Variants in VRK2 observed in about 807,000 individuals in gnomAD.
VRK2 encodes serine/threonine-protein kinase VRK2.
Under a neutral mutation model 57.6 loss-of-function variants are expected in VRK2, and 60 were observed. The observed-to-expected ratio is 1.04, with a 90% confidence interval of 0.85 to 1.29. VRK2 has a LOEUF of 1.29. Ranked by LOEUF, VRK2 falls within the 50% of genes most tolerant of loss-of-function variation. The probability of loss-of-function intolerance (pLI) is 0.00; values close to 1 mark genes in which losing one functional copy is unlikely to be tolerated. For missense variants in VRK2, 705 were observed against 588.1 expected, an observed-to-expected ratio of 1.20 and a Z score of -2.06; for synonymous variants, 231 against 199.2, an observed-to-expected ratio of 1.16 and a Z score of -1.35.
intron 1 of VRK2, among the ~76,000 whole-genome samples, chr2:57,918,255 A>G (rs1670220313): frequency 6.6e-6 from 1 of 152,106 alleles, no homozygotes; most frequent in African/African-American, 2.4e-5. Flanking sequence ...GCTCTCAAAA[A>G]TTCATTCTCA....
At chr2:58,107,334 T>C (rs1418932047) in intron 7 of VRK2, among the ~76,000 whole-genome samples, 1 of 152,162 alleles carries the variant, frequency 6.6e-6, no homozygotes, top group Non-Finnish European at 1.5e-5. Context: ...ACTACAATGC[T>C]GTTCATACTG....
At chr2:58,016,993 C>G (rs569131603) in intron 1 of VRK2, among the ~76,000 whole-genome samples, 11 of 152,062 alleles carry the variant, frequency 7.2e-5, no homozygotes, top group African/African-American at 2.7e-4. Context: ...GTTTCCTTTT[C>G]TAACTTTTAA....
At chr2:58,022,494 A>AGTAGGAAAAGAGCAAAT (rs1673788692) in intron 1 of VRK2, among the ~76,000 whole-genome samples, 1 of 152,162 alleles carries the variant, frequency 6.6e-6, no homozygotes, top group Admixed American at 6.5e-5. Flanking sequence ...AGTTGAGGGG[A>AGTAGGAAAAGAGCAAAT]GTAGGAAAAG....
At chr2:58,040,373 G>C (rs540187952) in intron 3 of VRK2, among the ~76,000 whole-genome samples, 1 of 152,144 alleles carries the variant, frequency 6.6e-6, no homozygotes, top group Non-Finnish European at 1.5e-5. Flanking sequence ...GATATCTAAA[G>C]AAAAATAAAT....
intron 2 of VRK2, among the ~76,000 whole-genome samples, chr2:58,078,856 T>C (rs749910477): frequency 3.9e-4 from 60 of 152,190 alleles, no homozygotes; most frequent in Middle Eastern, 3.4e-3. Context: ...TTTATTATTT[T>C]AGAGAAAGGG....
intron 2 of VRK2, among the ~76,000 whole-genome samples, chr2:58,052,615 A>C (rs2103813620): frequency 6.6e-6 from 1 of 152,038 alleles, no homozygotes; most frequent in South Asian, 2.1e-4. Context: ...AAAAAAAAAA[A>C]AAAATGCTGC....
At chr2:58,039,917 T>C (rs1313633757) in intron 3 of VRK2, among the ~76,000 whole-genome samples, 1 of 149,996 alleles carries the variant, frequency 6.7e-6, no homozygotes, top group South Asian at 2.1e-4. Flanking sequence ...TTTATTTTTA[T>C]TTTTATTTTT....
intron 1 of VRK2, among the ~76,000 whole-genome samples, chr2:57,920,355 T>C (rs1308915713): frequency 6.6e-6 from 1 of 152,110 alleles, no homozygotes; most frequent in African/African-American, 2.4e-5. Context: ...ACTGCCTGGC[T>C]AATACAGAAT....
intron 1 of VRK2, among the ~76,000 whole-genome samples, chr2:57,921,595 A>G (rs995003159): frequency 6.6e-6 from 1 of 152,140 alleles, no homozygotes; most frequent in South Asian, 2.1e-4. Context: ...TCTGCACTCA[A>G]AAAAGTAACA....
chr2:57,926,552 T>C (rs1202412487), intron 1 of VRK2, among the ~76,000 whole-genome samples: 2 of 150,708 alleles, frequency 1.3e-5, no homozygotes, highest in African/African-American at 2.4e-5. Context: ...AGAGAGAGAA[T>C]TGTTTTATCC....
intron 1 of VRK2, among the ~76,000 whole-genome samples, chr2:57,950,718 G>A (rs1000200326): frequency 2.0e-5 from 3 of 152,284 alleles, no homozygotes; most frequent in South Asian, 2.1e-4. Flanking sequence ...AGCTGTCATA[G>A]ATGGTGATTC....
chr2:58,007,846 A>C (rs764174677), intron 1 of VRK2, among the ~76,000 whole-genome samples: 1 of 152,162 alleles, frequency 6.6e-6, no homozygotes, highest in African/African-American at 2.4e-5. Flanking sequence ...TGATAATAAA[A>C]GTTTTCGTAA....
intron 1 of VRK2, among the ~76,000 whole-genome samples, chr2:57,955,318 G>A (rs1671547567): frequency 1.3e-5 from 2 of 150,866 alleles, no homozygotes; most frequent in African/African-American, 2.4e-5. Context: ...TGTGGCAAAT[G>A]TGAAATTTCT....
At chr2:57,916,218 C>A (rs910107847) in intron 1 of VRK2, among the ~76,000 whole-genome samples, 5 of 151,918 alleles carry the variant, frequency 3.3e-5, no homozygotes, top group Non-Finnish European at 7.4e-5. Flanking sequence ...ACCAGCCTGA[C>A]CAACATGGAG....
At chr2:58,068,625 C>T (rs546825828) in intron 2 of VRK2, among the ~76,000 whole-genome samples, 1 of 151,922 alleles carries the variant, frequency 6.6e-6, no homozygotes, top group East Asian at 1.9e-4. Context: ...GTATCACAAG[C>T]TTCCTTCTCT....
intron 3 of VRK2, among the ~76,000 whole-genome samples, chr2:58,038,532 CAGTCCCG>C (rs1674345891): frequency 6.6e-6 from 1 of 152,040 alleles, no homozygotes; most frequent in South Asian, 2.1e-4. Flanking sequence ...TTTTTCTCTC[CAGTCCCG>C]AGTGTAGGAT....
intron 7 of VRK2, among the ~76,000 whole-genome samples, chr2:58,113,746 A>G (rs1675949837): frequency 6.6e-6 from 1 of 152,144 alleles, no homozygotes; most frequent in Admixed American, 6.5e-5. Context: ...GTCATCAGTT[A>G]AGGCGGGGCA....
At chr2:57,958,219 T>G (rs1403481873) in intron 1 of VRK2, among the ~76,000 whole-genome samples, 2 of 152,222 alleles carry the variant, frequency 1.3e-5, no homozygotes, top group African/African-American at 4.8e-5. Flanking sequence ...TTTGTGACTC[T>G]AATTTAGGTC....
chr2:58,137,125 GTA>G (rs1491418195), intron 10 of VRK2, among the ~76,000 whole-genome samples: 26 of 19,294 alleles, frequency 1.3e-3, no homozygotes, highest in Non-Finnish European at 2.4e-3. Context: ...TCATATATGT[GTA>G]TATATCATAT....
Sources: gnomAD v4.1 joint callset for allele counts (sites outside exome capture counted in the v4.1 genomes callset) on GRCh38, gnomAD v4.1.1 for gene constraint, MANE v1.5 for transcripts, NCBI Gene and HGNC (gene_info 2026-07-23, HGNC 2026-07-21) for gene names.